CADM3: variants seen among roughly 807,000 people sequenced by gnomAD.
CADM3 encodes TSLC1-like 1.
A neutral mutation model predicts 44.9 loss-of-function variants in CADM3; 11 were observed. The ratio of observed to expected loss-of-function variants is 0.25; its 90% CI spans 0.15 to 0.41. The LOEUF (loss-of-function observed/expected upper bound fraction) is 0.41. Among genes scored for constraint, CADM3 ranks in the 10% least tolerant of loss-of-function variants. CADM3 has a pLI of 1.00. For synonymous variants in CADM3, 207 were observed against 205.2 expected, an observed-to-expected ratio of 1.01 and a Z score of -0.08; for missense variants, 426 against 512.0, an observed-to-expected ratio of 0.83 and a Z score of 1.62.
At chr1:159,174,575 G>A (rs1648948189) in intron 1 of CADM3, among the ~76,000 whole-genome samples, 1 of 152,160 alleles carries the variant, frequency 6.6e-6, no homozygotes, top group Non-Finnish European at 1.5e-5. Flanking sequence ...GTGCTGCTGG[G>A]GCATATCATT....
intron 1 of CADM3, among the ~76,000 whole-genome samples, chr1:159,188,962 G>T (rs1367321065): frequency 6.6e-6 from 1 of 152,166 alleles, no homozygotes; most frequent in African/African-American, 2.4e-5. Flanking sequence ...CGCAGGCCCT[G>T]GAAAAGGGGT....
intron 1 of CADM3, among the ~76,000 whole-genome samples, chr1:159,172,727 G>A (rs1031994507): frequency 6.6e-6 from 1 of 152,112 alleles, no homozygotes; most frequent in African/African-American, 2.4e-5. Context: ...AACCTTCGCT[G>A]GTTCCTAATG....
intron 1 of CADM3, among the ~76,000 whole-genome samples, chr1:159,182,464 A>C (rs575932985): frequency 6.6e-6 from 1 of 152,298 alleles, no homozygotes; most frequent in South Asian, 2.1e-4. Context: ...TACAGGTCTC[A>C]CTCACTGCCT....
At chr1:159,186,599 A>G (rs1649429288) in intron 1 of CADM3, among the ~76,000 whole-genome samples, 1 of 152,214 alleles carries the variant, frequency 6.6e-6, no homozygotes, top group Non-Finnish European at 1.5e-5. Flanking sequence ...TTCACAACCC[A>G]GGTTATAATT....
chr1:159,198,012 C>G (rs1649981096), intron 7 of CADM3: 1 of 152,236 alleles, frequency 6.6e-6, no homozygotes, highest in Non-Finnish European at 1.5e-5. Flanking sequence ...TCTCTGCCCC[C>G]AGATCTCTCC....
intron 8 of CADM3, 149 bp from the exon 9 acceptor site, chr1:159,200,655 G>T (rs917242328): frequency 1.8e-6 from 1 of 560,286 alleles, no homozygotes; most frequent in South Asian, 2.7e-5. Flanking sequence ...GAAGCAAAAT[G>T]CGAATTAGGT....
intron 1 of CADM3, among the ~76,000 whole-genome samples, chr1:159,175,346 T>G (rs1284121573): frequency 6.6e-6 from 1 of 152,228 alleles, no homozygotes; most frequent in South Asian, 2.1e-4. Flanking sequence ...AATCAGTGTG[T>G]TTCATGTAGG....
intron 1 of CADM3, among the ~76,000 whole-genome samples, chr1:159,179,624 G>A (rs1649152505): frequency 6.6e-6 from 1 of 152,130 alleles, no homozygotes. Flanking sequence ...GCAGATTCTT[G>A]TTTCATATTT....
Position 159,191,952 on chromosome 1 carries a change from A to C in CADM3, c.105A>C (p.Thr35=). Residue 35 remains threonine (T), a synonymous_variant, in exon 2 of 9, where the codon ACA becomes ACC. Coordinates refer to ENST00000368125, the MANE Select transcript of CADM3 (RefSeq NM_001127173.3). ...NLSQDDSQPW[T]SDETVVAGGT... is the part of the protein sequence containing the mutation. Reference sequence around the variant, plus strand: ...CTCCTGCAGACAGCCAGCCCTGGACATCTGATGAAACAGTGGTGGCTGGTG... The same window carrying C: ...CTCCTGCAGACAGCCAGCCCTGGACCTCTGATGAAACAGTGGTGGCTGGTG... The C allele has an allele frequency of 6.2e-7, 1 of 1,614,150 alleles. No homozygotes were observed. The highest frequency in any genetic ancestry group is 8.5e-7 in the Non-Finnish European group (1 of 1,180,024).
intron 1 of CADM3, among the ~76,000 whole-genome samples, chr1:159,179,891 C>T (rs952660809): frequency 6.6e-6 from 1 of 150,826 alleles, no homozygotes; most frequent in Non-Finnish European, 1.5e-5. Context: ...AGGATGAGAT[C>T]TTTCCAAATA....
intron 1 of CADM3, among the ~76,000 whole-genome samples, chr1:159,182,457 A>G (rs1649272771): frequency 6.6e-6 from 1 of 152,204 alleles, no homozygotes; most frequent in African/African-American, 2.4e-5. Flanking sequence ...CAATGAGTAC[A>G]GGTCTCACTC....
chr1:159,199,090 A>G (rs532195910), intron 7 of CADM3, among the ~76,000 whole-genome samples: 182 of 152,140 alleles, frequency 1.2e-3, no homozygotes, highest in African/African-American at 4.0e-3. Context: ...GGCCCCTTAC[A>G]TCTATCATCT....
chr1:159,193,676 A>G (rs772713043), intron 4 of CADM3, 116 bp downstream of exon 4: 2 of 1,498,274 alleles, frequency 1.3e-6, no homozygotes, highest in East Asian at 2.4e-5. Context: ...GGAATGACAT[A>G]TATTTTGTGT....
intron 1 of CADM3, among the ~76,000 whole-genome samples, chr1:159,175,796 G>C (rs1180725532): frequency 6.6e-6 from 1 of 152,218 alleles, no homozygotes; most frequent in Non-Finnish European, 1.5e-5. Flanking sequence ...CACTTGGAGA[G>C]AGTGACTCAT....
intron 1 of CADM3, among the ~76,000 whole-genome samples, chr1:159,188,606 A>C (rs1649516432): frequency 6.6e-6 from 1 of 152,122 alleles, no homozygotes; most frequent in Non-Finnish European, 1.5e-5. Context: ...TCTGCTCAGC[A>C]GCGGATGAGC....
rs765839404 is a variant in CADM3, at chr1:159,171,773, C to T, written c.8C>T (p.Ala3Val). 9 of 1,237,906 alleles carry T rather than the reference C, an allele frequency of 7.3e-6. No individual in the cohort carries two copies. The highest frequency in any genetic ancestry group is 8.3e-5 in the Admixed American group (2 of 24,058). 76.7% of individuals were successfully genotyped at this position (1,237,906 alleles called of 1,614,324 possible). A position where few individuals can be genotyped will look rare whatever the true frequency, so the allele number is the denominator to read the frequency against. ...AGCCGGCCGGGAAGCGCGATGGGGG[C>T]CCCAGCCGCCTCGCTCCTGCTCCTG... Reference protein sequence around the residue: MGAPAASLLLLLL... With the variant: MGVPAASLLLLLL... Residue 3 changes from alanine (A) to valine (V), a missense_variant, in exon 1 of 9, where the codon GCC becomes GTC. By Grantham distance (64) the Ala-to-Val change is moderately conservative. Around this residue, in one of 2 missense-constraint regions of CADM3, gnomAD observed 64 missense variants for 37.4 expected, o/e 1.71. Transcript: ENST00000368125.
At chr1:159,200,385 G>A (rs1342482478) in intron 8 of CADM3, among the ~76,000 whole-genome samples, 1 of 152,044 alleles carries the variant, frequency 6.6e-6, no homozygotes, top group Non-Finnish European at 1.5e-5. Context: ...ATTCTAGCCA[G>A]CGGCCTGACT....
intron 1 of CADM3, among the ~76,000 whole-genome samples, chr1:159,177,337 A>G (rs1022353889): frequency 6.6e-6 from 1 of 152,116 alleles, no homozygotes; most frequent in Non-Finnish European, 1.5e-5. Flanking sequence ...GAGTGATCCT[A>G]ATAGAAGCCA....
intron 1 of CADM3, among the ~76,000 whole-genome samples, chr1:159,187,415 C>G (rs1250039382): frequency 6.6e-6 from 1 of 152,212 alleles, no homozygotes; most frequent in Non-Finnish European, 1.5e-5. Context: ...AAAGCACCAT[C>G]AGAGGCAGAA....
Sources: gnomAD v4.1 joint callset for allele counts (sites outside exome capture counted in the v4.1 genomes callset) on GRCh38, gnomAD v4.1.1 for gene constraint, gnomAD v4.1.1 regional missense constraint, MANE v1.5 for transcripts, NCBI Gene and HGNC (gene_info 2026-07-23, HGNC 2026-07-21) for gene names.